USH2A: variants seen among roughly 807,000 people sequenced by gnomAD.
The protein encoded by USH2A is Usher syndrome 2A (autosomal recessive, mild).
USH2A carries 443 observed loss-of-function variants against 538.9 expected under a neutral mutation model. The ratio of observed to expected loss-of-function variants is 0.82; its 90% CI spans 0.76 to 0.89. USH2A has a LOEUF of 0.89. Ranked by LOEUF, USH2A falls within the 40% of genes least tolerant of loss-of-function variation. The pLI is 0.00. For missense variants in USH2A, 6,633 were observed against 6,324.8 expected, an observed-to-expected ratio of 1.05 and a Z score of -1.65; for synonymous variants, 2,413 against 2,273.5, an observed-to-expected ratio of 1.06 and a Z score of -1.75.
chr1:215,629,597 A>G (rs1656189560), intron 70 of USH2A, among the ~76,000 whole-genome samples: 1 of 151,940 alleles, frequency 6.6e-6, no homozygotes, highest in Non-Finnish European at 1.5e-5. Context: ...TCCATTTCTT[A>G]TAGGATTCCA....
At chr1:215,779,805 C>T (rs1313022392) in intron 55 of USH2A, 38 bp downstream of exon 55, 1 of 1,608,742 alleles carries the variant, frequency 6.2e-7, no homozygotes. Context: ...CAATGACAGA[C>T]TCCTCCAGTA....
At chr1:216,166,229 C>T (rs1298237470) in intron 21 of USH2A, among the ~76,000 whole-genome samples, 2 of 151,858 alleles carry the variant, frequency 1.3e-5, no homozygotes, top group South Asian at 4.2e-4. Flanking sequence ...GAAAGGAAAG[C>T]GAAGTACTTG....
intron 36 of USH2A, among the ~76,000 whole-genome samples, chr1:215,970,402 A>G (rs1187465918): frequency 6.6e-6 from 1 of 152,164 alleles, no homozygotes; most frequent in Non-Finnish European, 1.5e-5. Context: ...CTTTCAATAA[A>G]ATGTAGACTC....
At chr1:216,358,808 G>C (rs1396174953) in intron 4 of USH2A, among the ~76,000 whole-genome samples, 2 of 152,072 alleles carry the variant, frequency 1.3e-5, no homozygotes, top group African/African-American at 4.8e-5. Flanking sequence ...TTCTAATCAG[G>C]AGTGAAATTT....
intron 32 of USH2A, among the ~76,000 whole-genome samples, chr1:216,001,659 T>G (rs563831265): frequency 2.6e-4 from 39 of 152,282 alleles, no homozygotes; most frequent in Middle Eastern, 6.8e-3. Flanking sequence ...CACAGATTCT[T>G]AAATCTCATT....
intron 38 of USH2A, among the ~76,000 whole-genome samples, chr1:215,910,425 A>G (rs900211262): frequency 3.3e-5 from 5 of 151,986 alleles, no homozygotes; most frequent in African/African-American, 9.7e-5. Flanking sequence ...CAAAATCTCT[A>G]TGTGCCCCAG....
chr1:216,317,602 C>T (rs953955970), intron 9 of USH2A, among the ~76,000 whole-genome samples: 1 of 151,974 alleles, frequency 6.6e-6, no homozygotes, highest in African/African-American at 2.4e-5. Context: ...AATCCCAGCA[C>T]TTTGGGAGTC....
chr1:215,837,248 G>A (rs1663557445), intron 47 of USH2A, among the ~76,000 whole-genome samples: 1 of 151,968 alleles, frequency 6.6e-6, no homozygotes, highest in Non-Finnish European at 1.5e-5. Context: ...TTATTTCAGT[G>A]TGTGTATGTG....
intron 61 of USH2A, among the ~76,000 whole-genome samples, chr1:215,720,149 A>G (rs1187473248): frequency 1.3e-5 from 2 of 151,982 alleles, no homozygotes; most frequent in Non-Finnish European, 2.9e-5. Context: ...CTATGTAGAC[A>G]ACCTATATGA....
intron 38 of USH2A, among the ~76,000 whole-genome samples, chr1:215,931,135 A>C (rs1666353141): frequency 6.6e-6 from 1 of 152,150 alleles, no homozygotes; most frequent in Admixed American, 6.6e-5. Flanking sequence ...TTTTCAAATA[A>C]AAAATGTGTG....
intron 66 of USH2A, 30 bp downstream of exon 66, chr1:215,648,498 G>T: frequency 6.2e-7 from 1 of 1,608,434 alleles, no homozygotes; most frequent in Non-Finnish European, 8.5e-7. Context: ...TGCCTTGTTA[G>T]TTTCTTCATC....
intron 47 of USH2A, among the ~76,000 whole-genome samples, chr1:215,817,663 T>C (rs913233512): frequency 1.3e-5 from 2 of 151,986 alleles, no homozygotes; most frequent in African/African-American, 4.8e-5. Flanking sequence ...ATTTTAGCTT[T>C]CTTGAAAGAG....
intron 14 of USH2A, among the ~76,000 whole-genome samples, chr1:216,229,926 A>G (rs573576449): frequency 1.2e-3 from 190 of 152,256 alleles, no homozygotes; most frequent in Non-Finnish European, 2.2e-3. Flanking sequence ...TAGAGGAAGC[A>G]GTGTAATGAA....
intron 47 of USH2A, among the ~76,000 whole-genome samples, chr1:215,821,193 A>G (rs1663003038): frequency 6.6e-6 from 1 of 151,864 alleles, no homozygotes; most frequent in Non-Finnish European, 1.5e-5. Context: ...GTACAAATTT[A>G]CATTCCCACC....
chr1:216,254,187 A>G (rs950671181), intron 11 of USH2A, among the ~76,000 whole-genome samples: 20 of 152,164 alleles, frequency 1.3e-4, no homozygotes, highest in African/African-American at 4.6e-4. Flanking sequence ...CTGTATATTA[A>G]CTATATCTTA....
chr1:216,268,359 C>G (rs1335022621), intron 11 of USH2A, among the ~76,000 whole-genome samples: 1 of 152,032 alleles, frequency 6.6e-6, no homozygotes, highest in Non-Finnish European at 1.5e-5. Context: ...ATAAAATGAG[C>G]ATAATAATAT....
intron 37 of USH2A, among the ~76,000 whole-genome samples, chr1:215,954,407 C>A (rs1667009269): frequency 6.6e-6 from 1 of 152,004 alleles, no homozygotes. Context: ...AGTTCATGTA[C>A]TTTGTAGGGA....
chr1:216,351,982 G>A (rs1201034155), intron 4 of USH2A, among the ~76,000 whole-genome samples: 1 of 152,116 alleles, frequency 6.6e-6, no homozygotes, highest in Non-Finnish European at 1.5e-5. Flanking sequence ...ATCAAAGTGA[G>A]AGAGCTTAAG....
chr1:216,386,566 T>TGC (rs2039012433), intron 3 of USH2A, among the ~76,000 whole-genome samples: 2 of 131,474 alleles, frequency 1.5e-5, no homozygotes, highest in Non-Finnish European at 3.3e-5. Context: ...TATATATATA[T>TGC]GCTGGGTGTG....
Sources: gnomAD v4.1 joint callset for allele counts (sites outside exome capture counted in the v4.1 genomes callset) on GRCh38, gnomAD v4.1.1 for gene constraint, MANE v1.5 for transcripts, NCBI Gene and HGNC (gene_info 2026-07-23, HGNC 2026-07-21) for gene names.